Variants in MTA3 observed in about 807,000 individuals in gnomAD.
The protein encoded by MTA3 is metastasis associated 1 family member 3.
MTA3 carries 34 observed loss-of-function variants against 83.5 expected under a neutral mutation model. The ratio of observed to expected loss-of-function variants is 0.41; its 90% confidence interval spans 0.31 to 0.54. The LOEUF (loss-of-function observed/expected upper bound fraction) is 0.54. MTA3 is among the 20% of genes least tolerant of loss of function. The probability of loss-of-function intolerance (pLI) is 0.33; values close to 1 mark genes in which losing one functional copy is unlikely to be tolerated. For missense variants in MTA3, 761 were observed against 726.4 expected (o/e 1.05, Z -0.55); for synonymous variants, 303 against 252.7 (o/e 1.20, Z -1.89).
intron 13 of MTA3, among the ~76,000 whole-genome samples, chr2:42,708,668 T>G (rs987039783): frequency 1.3e-5 from 2 of 152,168 alleles, no homozygotes; most frequent in Non-Finnish European, 2.9e-5. Context: ...CAGTACAGTA[T>G]TCTCCACAGT....
chr2:42,647,869 G>A lies in MTA3; in HGVS notation c.499+3625G>A, dbSNP rs538669544. Among the ~76,000 whole-genome samples, 22 of 152,040 alleles carry A rather than the reference G, an allele frequency of 1.4e-4. 1 individual carries two copies. In the East Asian group the frequency reaches 4.1e-3, roughly 28 times the overall value. On this transcript the variant is annotated intron_variant, in intron 6 of 16. Transcript: ENST00000405094. ...CTTCTTTTTTTTGAAATGGAGTTTCGCTCTTGTTGCCCAGGCTGGAGTGCG... is the reference window on the plus strand; with the variant it reads ...CTTCTTTTTTTTGAAATGGAGTTTCACTCTTGTTGCCCAGGCTGGAGTGCG...
intron 2 of MTA3, among the ~76,000 whole-genome samples, chr2:42,529,208 C>T (rs1231797456): frequency 2.0e-5 from 3 of 152,106 alleles, no homozygotes. Context: ...AAGGAACTCT[C>T]TTGGGTTAGG....
chr2:42,695,577 GTGA>G (rs1693307862), intron 9 of MTA3, among the ~76,000 whole-genome samples, 185 bp from the exon 10 acceptor site: 1 of 134,412 alleles, frequency 7.4e-6, no homozygotes, highest in Non-Finnish European at 1.5e-5. Context: ...GGAGGTTGCT[GTGA>G]GCTGACATCG....
chr2:42,656,269 A>T lies in MTA3; in HGVS notation c.569A>T (p.Asp190Val). The stretch of plus-strand genomic sequence containing the variant: ...TGGGATCCAAATAGCCCACTTACGG[A>T]TCGACAGATTGACCAGTTTTTAGTT... The part of the protein sequence containing the change: ...KVWDPNSPLT[D>V]RQIDQFLVVA... Residue 190 changes from aspartate to valine, a missense_variant, in exon 7 of 17, where the codon GAT (aspartate) becomes GTT (valine). Coordinates refer to ENST00000405094, the MANE Select transcript of MTA3 (RefSeq NM_001330442.2). 2 of 1,613,792 alleles carry T rather than the reference A, an allele frequency of 1.2e-6. No individual in the cohort carries two copies. Among genetic ancestry groups the T allele is most frequent in the Non-Finnish European group, 1.7e-6 (2 of 1,179,750 alleles).
At chr2:42,615,067 G>C (rs936695796) in intron 4 of MTA3, among the ~76,000 whole-genome samples, 2 of 151,738 alleles carry the variant, frequency 1.3e-5, no homozygotes, top group African/African-American at 2.4e-5. Context: ...GAGGCAGGTG[G>C]ATCAACTGAG....
intron 2 of MTA3, among the ~76,000 whole-genome samples, chr2:42,524,387 G>A (rs1047067833): frequency 2.0e-5 from 3 of 150,344 alleles, no homozygotes; most frequent in South Asian, 4.2e-4. Flanking sequence ...TGCAAGCTCC[G>A]CCTCCTGGGT....
At position 42,556,149 on chromosome 2, in the gene MTA3, A is replaced by C. The variant is rs566979425; in HGVS notation, c.-140-14288A>C. On this transcript the variant is annotated intron_variant, in intron 2 of 17. Coordinates refer to the MTA3 transcript ENST00000405592. ...AGGAGATGGAGCTCCCTGGGGAAAA[A>C]AAAAGCAGCCTGAGGCATGCAGCCA... Among the ~76,000 whole-genome samples the C allele has an allele frequency of 3.9e-4, 59 of 151,722 alleles. 1 individual carries two copies. The East Asian group carries it at 4.5e-3, about 11-fold the overall frequency.
chr2:42,548,861 T>TA (rs1275750860), intron 2 of MTA3, among the ~76,000 whole-genome samples: 13 of 7,474 alleles, frequency 1.7e-3, no homozygotes, highest in South Asian at 0.011. Flanking sequence ...ATATATATAA[T>TA]ATATATATAT....
chr2:42,507,011 CTT>C (rs1424670044), intron 2 of MTA3, among the ~76,000 whole-genome samples: 4 of 152,182 alleles, frequency 2.6e-5, no homozygotes, highest in Non-Finnish European at 4.4e-5. Context: ...CAAGTGGCTT[CTT>C]CTCTCTTCAG....
intron 6 of MTA3, among the ~76,000 whole-genome samples, chr2:42,652,923 G>C (rs1487554139): frequency 6.6e-6 from 1 of 152,096 alleles, no homozygotes; most frequent in African/African-American, 2.4e-5. Context: ...CTGATGACTG[G>C]TGCAAAGAAA....
At chr2:42,560,608 C>G (rs1677626510) in intron 2 of MTA3, among the ~76,000 whole-genome samples, 1 of 150,692 alleles carries the variant, frequency 6.6e-6, no homozygotes, top group Non-Finnish European at 1.5e-5. Flanking sequence ...CACACACACA[C>G]ACTCAAAACC....
At chr2:42,642,648 T>G (rs1687797649) in intron 5 of MTA3, among the ~76,000 whole-genome samples, 1 of 151,204 alleles carries the variant, frequency 6.6e-6, no homozygotes, top group South Asian at 2.1e-4. Context: ...AAGTTGGTTT[T>G]TTTTTTTTTT....
At chr2:42,615,511 G>A (rs4953502) in intron 4 of MTA3, among the ~76,000 whole-genome samples, 117,972 of 151,170 alleles carry the variant, frequency 0.78, 46,811 homozygotes, top group African/African-American at 0.92. Flanking sequence ...ATGCGCCAGC[G>A]TGCTCAGCTA....
intron 2 of MTA3, 96 bp downstream of exon 2, chr2:42,570,600 C>T (rs904468067): frequency 4.8e-6 from 3 of 621,846 alleles, no homozygotes; most frequent in Non-Finnish European, 2.5e-6. Context: ...GGGCTCATGC[C>T]TGCAATCCCA....
At position 42,612,974 on chromosome 2, in the gene MTA3, G is replaced by C. The variant is rs143178775; in HGVS notation, c.317+3390G>C. Reference sequence around the variant, plus strand: ...TTAAAAATGTATCTAAAAGACACAAGTATATTTTTAATTTACTCTCCTGAT... The same window carrying C: ...TTAAAAATGTATCTAAAAGACACAACTATATTTTTAATTTACTCTCCTGAT... On this transcript the variant is annotated intron_variant, in intron 4 of 16. Transcript: ENST00000405094. Among the ~76,000 whole-genome samples, 675 of 152,304 alleles carry C rather than the reference G, an allele frequency of 4.4e-3. 8 individuals carry two copies. The highest frequency in any genetic ancestry group is 0.016 in the African/African-American group (651 of 41,558).
At chr2:42,569,023 C>T (rs2103821292) in intron 1 of MTA3, among the ~76,000 whole-genome samples, 1 of 152,218 alleles carries the variant, frequency 6.6e-6, no homozygotes, top group Non-Finnish European at 1.5e-5. Flanking sequence ...AGGGCCAGGC[C>T]TCTACTTGGG....
At chr2:42,588,173 A>T (rs530118234) in intron 3 of MTA3, among the ~76,000 whole-genome samples, 2 of 152,238 alleles carry the variant, frequency 1.3e-5, no homozygotes, top group South Asian at 2.1e-4. Context: ...GAAATAATAT[A>T]CCTCATTGCT....
At chr2:42,743,626 G>C (rs572939502) in intron 16 of MTA3, among the ~76,000 whole-genome samples, 1 of 152,234 alleles carries the variant, frequency 6.6e-6, no homozygotes, top group Non-Finnish European at 1.5e-5. Context: ...TACAATTTTT[G>C]AGACTCCTAT....
At chr2:42,695,889 CTGTTTA>C in intron 10 of MTA3, 50 bp downstream of exon 10, 1 of 1,213,160 alleles carries the variant, frequency 8.2e-7, no homozygotes. Flanking sequence ...AGTGAACTTT[CTGTTTA>C]TATTTTAATA....
Sources: allele counts gnomAD v4.1 joint callset (sites outside exome capture counted in the v4.1 genomes callset), GRCh38; gene constraint gnomAD v4.1.1; transcripts MANE v1.5; gene names NCBI Gene and HGNC (gene_info 2026-07-23, HGNC 2026-07-21).